The following AGBL4 variants were observed in gnomAD, a reference collection of about 807,000 sequenced individuals.
AGBL4 encodes cytosolic carboxypeptidase 6.
AGBL4 carries 58 observed loss-of-function variants against 66.4 expected under a neutral mutation model. The observed-to-expected ratio is 0.87, with a 90% CI of 0.71 to 1.09. The LOEUF is 1.09. Among genes scored for constraint, AGBL4 ranks in the 50% least tolerant of loss-of-function variants. The pLI is 0.00. For synonymous variants in AGBL4, 234 were observed against 222.9 expected (o/e 1.05, Z -0.44); for missense variants, 579 against 631.0 (o/e 0.92, Z 0.88).
chr1:49,122,707 C>G (rs965540600), intron 4 of AGBL4, among the ~76,000 whole-genome samples: 1 of 152,112 alleles, frequency 6.6e-6, no homozygotes, highest in African/African-American at 2.4e-5. Flanking sequence ...TCTCTGAGCC[C>G]CAGTTTTTGA....
intron 6 of AGBL4, among the ~76,000 whole-genome samples, chr1:48,749,471 CT>C (rs1201418486): frequency 1.3e-5 from 2 of 152,324 alleles, no homozygotes; most frequent in Non-Finnish European, 2.9e-5. Context: ...AGTAAAGTAA[CT>C]TGCCAGAAGT....
chr1:49,709,758 G>A (rs145549208), intron 2 of AGBL4, among the ~76,000 whole-genome samples: 3,474 of 151,822 alleles, frequency 0.023, 142 homozygotes, highest in African/African-American at 0.08. Flanking sequence ...AAAAAACAAA[G>A]AACCCCATCA....
intron 1 of AGBL4, among the ~76,000 whole-genome samples, chr1:49,966,731 T>G (rs937680729): frequency 2.0e-5 from 3 of 152,158 alleles, no homozygotes; most frequent in Non-Finnish European, 2.9e-5. Flanking sequence ...TTATGAACAA[T>G]ACTAGCACAA....
At chr1:49,235,460 CA>C (rs1206311874) in intron 4 of AGBL4, among the ~76,000 whole-genome samples, 1 of 152,164 alleles carries the variant, frequency 6.6e-6, no homozygotes, top group African/African-American at 2.4e-5. Flanking sequence ...GGAGTAAAGG[CA>C]AACAGAAGCA....
intron 3 of AGBL4, among the ~76,000 whole-genome samples, chr1:49,582,015 G>C (rs905516448): frequency 6.6e-6 from 1 of 152,152 alleles, no homozygotes; most frequent in Non-Finnish European, 1.5e-5. Context: ...TGAGCCAGCA[G>C]GTGGCACTTG....
At chr1:49,594,034 G>A (rs1212113852) in intron 3 of AGBL4, among the ~76,000 whole-genome samples, 1 of 152,154 alleles carries the variant, frequency 6.6e-6, no homozygotes, top group African/African-American at 2.4e-5. Flanking sequence ...CAAAATCTGT[G>A]CATACTCCAG....
chr1:49,943,797 G>C (rs1364149254), intron 1 of AGBL4, among the ~76,000 whole-genome samples: 1 of 151,998 alleles, frequency 6.6e-6, no homozygotes, highest in Non-Finnish European at 1.5e-5. Flanking sequence ...AGAATTCAGG[G>C]GAGGGCATGA....
At chr1:48,912,638 C>G (rs17105152) in intron 5 of AGBL4, among the ~76,000 whole-genome samples, 16,921 of 152,216 alleles carry the variant, frequency 0.11, 1,058 homozygotes, top group African/African-American at 0.14. Context: ...ACTGCCATTG[C>G]ACCATTTCTG....
At chr1:48,745,624 G>C (rs978620132) in intron 6 of AGBL4, among the ~76,000 whole-genome samples, 5 of 152,110 alleles carry the variant, frequency 3.3e-5, no homozygotes, top group Non-Finnish European at 7.4e-5. Context: ...TCTACCCCTA[G>C]AGATGTCCAC....
chr1:49,699,457 G>A (rs1250289962), intron 2 of AGBL4, among the ~76,000 whole-genome samples: 2 of 151,694 alleles, frequency 1.3e-5, no homozygotes, highest in Non-Finnish European at 2.9e-5. Context: ...TGAAACACAA[G>A]GAAAGAAAAC....
At chr1:49,617,442 T>C (rs1349434155) in intron 3 of AGBL4, among the ~76,000 whole-genome samples, 1 of 152,204 alleles carries the variant, frequency 6.6e-6, no homozygotes, top group Non-Finnish European at 1.5e-5. Flanking sequence ...ATCTTACATG[T>C]TTTACTTAAT....
intron 2 of AGBL4, among the ~76,000 whole-genome samples, chr1:49,742,211 T>C (rs1442184806): frequency 6.7e-6 from 1 of 150,104 alleles, no homozygotes; most frequent in Non-Finnish European, 1.5e-5. Flanking sequence ...AGTCTCAGGA[T>C]ACAAAATCAA....
intron 4 of AGBL4, among the ~76,000 whole-genome samples, chr1:49,082,759 A>T (rs1379734262): frequency 6.6e-6 from 1 of 152,150 alleles, no homozygotes; most frequent in Non-Finnish European, 1.5e-5. Context: ...CAAAGTCTTA[A>T]CTCATTTCAA....
chr1:49,393,810 G>A (rs58316631), intron 3 of AGBL4, among the ~76,000 whole-genome samples: 1,724 of 152,262 alleles, frequency 0.011, 31 homozygotes, highest in African/African-American at 0.03. Context: ...TAGGGAGAAA[G>A]TTGATGTGGA....
intron 5 of AGBL4, among the ~76,000 whole-genome samples, chr1:48,927,012 T>A (rs1023517794): frequency 6.6e-6 from 1 of 152,040 alleles, no homozygotes; most frequent in African/African-American, 2.4e-5. Flanking sequence ...ATCCTCTGAT[T>A]TTTTTCCTTT....
At chr1:49,116,603 C>A (rs756442753) in intron 4 of AGBL4, among the ~76,000 whole-genome samples, 1 of 152,216 alleles carries the variant, frequency 6.6e-6, no homozygotes, top group Non-Finnish European at 1.5e-5. Flanking sequence ...CCCACATTTT[C>A]TTGATCCATT....
chr1:49,285,379 A>G (rs1644380109), intron 3 of AGBL4, among the ~76,000 whole-genome samples: 1 of 152,192 alleles, frequency 6.6e-6, no homozygotes, highest in Admixed American at 6.5e-5. Flanking sequence ...GAGTGTGTAG[A>G]GGGAAATTTA....
chr1:49,024,472 C>T (rs1663488460), intron 5 of AGBL4, among the ~76,000 whole-genome samples: 1 of 152,142 alleles, frequency 6.6e-6, no homozygotes. Flanking sequence ...CATCAGTCAT[C>T]TACTCCTTAA....
Position 48,965,599 on chromosome 1 carries a change from G to T in AGBL4, c.594+79985C>A, listed in dbSNP as rs77561137. On this transcript the variant is annotated intron_variant, in intron 5 of 13. Coordinates refer to ENST00000371839, the MANE Select transcript of AGBL4 (RefSeq NM_032785.4). The stretch of plus-strand genomic sequence containing the variant: ...CCCATAGGTAGCTACTTTTGCTCCT[G>T]GTCTTCGTTAAGGTGCCACACAGTT... Among the ~76,000 whole-genome samples, 257 of 152,202 alleles carry T rather than the reference G, an allele frequency of 1.7e-3. 1 individual carries two copies. Among genetic ancestry groups the T allele is most frequent in the African/African-American group, 5.8e-3 (242 of 41,538 alleles).
Sources: allele counts gnomAD v4.1 joint callset (sites outside exome capture counted in the v4.1 genomes callset), GRCh38; gene constraint gnomAD v4.1.1; transcripts MANE v1.5; gene names NCBI Gene and HGNC (gene_info 2026-07-23, HGNC 2026-07-21).